Variants in BCAR3 observed in about 807,000 individuals in gnomAD.
BCAR3 encodes the protein breast cancer anti-estrogen resistance protein 3.
Under a neutral mutation model 80.1 loss-of-function variants are expected in BCAR3, and 37 were observed. That is an observed-to-expected ratio of 0.46 (90% CI 0.36 to 0.61). The LOEUF is 0.61. Among genes scored for constraint, BCAR3 ranks in the 20% least tolerant of loss-of-function variants. The pLI, the probability that BCAR3 is intolerant of heterozygous loss-of-function variation, is 0.00. For synonymous variants in BCAR3, 389 were observed against 418.9 expected, an observed-to-expected ratio of 0.93 and a Z score of 0.87; for missense variants, 978 against 1,068.2, an observed-to-expected ratio of 0.92 and a Z score of 1.18.
At chr1:93,760,653 G>C (rs1358832095) in intron 2 of BCAR3, among the ~76,000 whole-genome samples, 1 of 152,092 alleles carries the variant, frequency 6.6e-6, no homozygotes, top group Non-Finnish European at 1.5e-5. Context: ...TCACTAGGAA[G>C]TGTAAGGAAA....
chr1:93,845,469 T>TAG (rs1557708373), intron 2 of BCAR3: 55 of 1,640 alleles, frequency 0.034, no homozygotes, highest in African/African-American at 0.12. Flanking sequence ...ATTTTATATA[T>TAG]ATATATATAT....
Position 93,677,097 on chromosome 1 carries a change from C to T in BCAR3, c.-11-2156G>A, listed in dbSNP as rs55797095. Among the ~76,000 whole-genome samples the T allele has an allele frequency of 3.4e-3, 516 of 152,300 alleles. 2 individuals are homozygous for T. The highest frequency in any genetic ancestry group is 0.012 in the African/African-American group (479 of 41,552). On this transcript the variant is annotated intron_variant, in intron 1 of 11. Transcript: ENST00000260502. ...CAAGACACCTGGAGAAACAAAGATGCCTAAGGCCCAATACCTGACTATGAA... is the reference window on the plus strand; with the variant it reads ...CAAGACACCTGGAGAAACAAAGATGTCTAAGGCCCAATACCTGACTATGAA...
At position 93,586,734 on chromosome 1, in the gene BCAR3, AG is replaced by A. The variant is rs1345033971; in HGVS notation, c.929+2242del. ...TTGTTATTACCTGTCTTTTGGATAT[AG>A]GCCTTTTTAACTGGGGTAAGGTGAT... On this transcript the variant is annotated intron_variant, in intron 5 of 11. Transcript: ENST00000260502. The surrounding 1 kb of genome is among the most constrained non-coding windows in gnomAD (Gnocchi z 4.2). 1.3e-5 allele frequency among the ~76,000 whole-genome samples: 2 copies of A among 152,212 alleles called. No homozygotes were observed. The highest frequency in any genetic ancestry group is 2.9e-5 in the Non-Finnish European group (2 of 68,038).
intron 9 of BCAR3, among the ~76,000 whole-genome samples, chr1:93,571,119 G>T (rs563491182): frequency 6.6e-6 from 1 of 151,402 alleles, no homozygotes; most frequent in Non-Finnish European, 1.5e-5. Context: ...CAGGAGAATC[G>T]CTTGAACCCA....
rs1308077174 is a variant in BCAR3 at position 93,592,312 on chromosome 1, C to T, written c.439G>A (p.Glu147Lys). Residue 147 changes from glutamate to lysine, a missense_variant, in exon 4 of 12, where the codon GAG becomes AAG. Transcript: ENST00000260502. The surrounding 1 kb of genome is among the most constrained non-coding windows in gnomAD (Gnocchi z 4.8). ...ELEEELLLSSEDLRSHAWYHG... is the reference protein window; with the variant it reads ...ELEEELLLSSKDLRSHAWYHG... ...TACCAGGCATGGCTGCGCAGGTCCT[C>T]GCTGCTCAGGAGCAGCTCCTCCTCC... 8 of 1,611,744 alleles carry T rather than the reference C, an allele frequency of 5.0e-6. 1 individual carries two copies. The highest frequency in any genetic ancestry group is 3.3e-5 in the South Asian group (3 of 91,058).
chr1:93,648,194 AG>A (rs1676206481), intron 2 of BCAR3, among the ~76,000 whole-genome samples: 1 of 152,254 alleles, frequency 6.6e-6, no homozygotes, highest in Non-Finnish European at 1.5e-5. Context: ...GACTCAAATT[AG>A]GGAAAATTTT....
rs75175947 is a variant in BCAR3, at chr1:93,669,298, G to C, written c.317+5316C>G. On this transcript the variant is annotated intron_variant, in intron 2 of 11. Coordinates refer to ENST00000260502, the MANE Select transcript of BCAR3 (RefSeq NM_003567.4). ...TTTTTCAGATGAGGGCATTGATACAGCCCAGAGTTAGGGCTTTAAATCAAT... is the reference window on the plus strand; with the variant it reads ...TTTTTCAGATGAGGGCATTGATACACCCCAGAGTTAGGGCTTTAAATCAAT... Among the ~76,000 whole-genome samples, 1,317 of 152,314 alleles carry C rather than the reference G, an allele frequency of 8.6e-3. 12 individuals carry two copies. The highest frequency in any genetic ancestry group is 0.024 in the Middle Eastern group (7 of 294).
At position 93,598,453 on chromosome 1, in the gene BCAR3, C is replaced by T. The variant is rs535762770; in HGVS notation, c.358-6060G>A. 6.6e-5 allele frequency among the ~76,000 whole-genome samples: 10 copies of T among 152,328 alleles called. No individual in the cohort carries two copies. In the East Asian group the frequency reaches 1.9e-3, roughly 29 times the overall value. ...ATTGTGCAAATCGGCAGGAAAGACT[C>T]TATCCCCAGGCCTAGGAACTGAGGG... On this transcript the variant is annotated intron_variant, in intron 3 of 11. Transcript: ENST00000260502.
chr1:93,629,371 G>A (rs1675539394), intron 3 of BCAR3, among the ~76,000 whole-genome samples: 1 of 152,094 alleles, frequency 6.6e-6, no homozygotes, highest in Admixed American at 6.5e-5. Flanking sequence ...AAACTTCTTG[G>A]TTACCGGAGG....
intron 3 of BCAR3, chr1:93,614,160 C>T (rs1675036221): frequency 7.6e-6 from 10 of 1,320,190 alleles, no homozygotes; most frequent in Admixed American, 3.6e-5. Context: ...AGGCTGGTGT[C>T]CAGCCTGCCA....
chr1:93,827,685 C>T (rs1441812149), intron 2 of BCAR3, among the ~76,000 whole-genome samples: 2 of 150,808 alleles, frequency 1.3e-5, no homozygotes, highest in Admixed American at 1.3e-4. Flanking sequence ...CTTGTAAACG[C>T]ATCTAAAAGG....
Position 93,592,194 on chromosome 1 carries a change from C to G in BCAR3, c.486+71G>C. The G allele has an allele frequency of 6.3e-7, 1 of 1,596,732 alleles. No homozygotes were observed. Among genetic ancestry groups the G allele is most frequent in the Non-Finnish European group, 8.5e-7 (1 of 1,174,070 alleles). ...CGCCCATGTGGCCTCGGAGTGGGAC[C>G]CTGCGGGTCATCAATCTGTACATTG... On this transcript the variant is annotated intron_variant, in intron 4 of 11. Coordinates refer to ENST00000260502, the MANE Select transcript of BCAR3 (RefSeq NM_003567.4). The surrounding 1 kb of genome is among the most constrained non-coding windows in gnomAD (Gnocchi z 4.8).
At chr1:93,806,500 T>C (rs1048438895) in intron 2 of BCAR3, among the ~76,000 whole-genome samples, 3 of 152,218 alleles carry the variant, frequency 2.0e-5, no homozygotes, top group Non-Finnish European at 4.4e-5. Context: ...GAAGCACAGA[T>C]GAAAACTCTG....
In BCAR3 at chr1:93,680,485, C is replaced by T. The variant is rs1648703580; in HGVS notation, c.-12+1113G>A. On this transcript the variant is annotated intron_variant, in intron 1 of 11. Coordinates refer to ENST00000260502, the MANE Select transcript of BCAR3 (RefSeq NM_003567.4). ...GGACCTGTGTTGAGCTGGGCCCCACCCCCAGCACTGAGGCCTCTCCCAGCC... is the reference window on the plus strand; with the variant it reads ...GGACCTGTGTTGAGCTGGGCCCCACTCCCAGCACTGAGGCCTCTCCCAGCC... 2.6e-5 allele frequency among the ~76,000 whole-genome samples: 4 copies of T among 152,150 alleles called. No homozygotes were observed. The South Asian group carries it at 8.3e-4, about 32-fold the overall frequency.
At chr1:93,745,330 C>G (rs1477384804) in intron 2 of BCAR3, among the ~76,000 whole-genome samples, 1 of 152,232 alleles carries the variant, frequency 6.6e-6, no homozygotes, top group African/African-American at 2.4e-5. Context: ...TGAGTTCACC[C>G]TTCAGCAAAT....
intron 2 of BCAR3, among the ~76,000 whole-genome samples, chr1:93,765,881 G>T (rs1652130825): frequency 6.6e-6 from 1 of 152,014 alleles, no homozygotes; most frequent in East Asian, 1.9e-4. Flanking sequence ...TGACTGGGCT[G>T]GTCTCAAACT....
chr1:93,610,525 CT>C (rs1674916256), intron 3 of BCAR3, among the ~76,000 whole-genome samples: 1 of 152,244 alleles, frequency 6.6e-6, no homozygotes, highest in African/African-American at 2.4e-5. Flanking sequence ...GTCCCACATC[CT>C]CCCTGAAGCT....
chr1:93,639,970 C>T (rs553440573), intron 3 of BCAR3, among the ~76,000 whole-genome samples: 37 of 152,138 alleles, frequency 2.4e-4, no homozygotes, highest in African/African-American at 7.2e-4. Context: ...TTGTTTTTTT[C>T]GGCCAATGAA....
At chr1:93,747,217 C>G (rs2100703259) in intron 2 of BCAR3, among the ~76,000 whole-genome samples, 1 of 152,286 alleles carries the variant, frequency 6.6e-6, no homozygotes. Context: ...TTGGCTCTGG[C>G]AACCAGATGC....
Sources: gnomAD v4.1 joint callset for allele counts (sites outside exome capture counted in the v4.1 genomes callset) on GRCh38, gnomAD v4.1.1 for gene constraint, Gnocchi (gnomAD v3.1) non-coding constraint, MANE v1.5 for transcripts, NCBI Gene and HGNC (gene_info 2026-07-23, HGNC 2026-07-21) for gene names.